Variants in SMYD3 observed in about 807,000 individuals in gnomAD.
SMYD3 encodes histone-lysine N-methyltransferase SMYD3.
A neutral mutation model predicts 57.7 loss-of-function variants in SMYD3; 36 were observed. The observed-to-expected ratio is 0.62, with a 90% CI of 0.48 to 0.82. The LOEUF (loss-of-function observed/expected upper bound fraction) is 0.82, where lower values mean the gene tolerates loss of function less well. Ranked by LOEUF, SMYD3 falls within the 40% of genes least tolerant of loss-of-function variation. SMYD3 has a pLI of 0.00. For missense variants in SMYD3, 515 were observed against 538.8 expected (o/e 0.96, Z 0.44); for synonymous variants, 211 against 195.0 (o/e 1.08, Z -0.68).
At chr1:246,341,786 C>T (rs2065637033) in intron 2 of SMYD3, among the ~76,000 whole-genome samples, 1 of 152,198 alleles carries the variant, frequency 6.6e-6, no homozygotes, top group Non-Finnish European at 1.5e-5. Flanking sequence ...CACTCAAGAA[C>T]CCATTTAAAT....
chr1:245,752,325 C>T (rs2045423245), intron 11 of SMYD3, among the ~76,000 whole-genome samples: 1 of 152,226 alleles, frequency 6.6e-6, no homozygotes, highest in Non-Finnish European at 1.5e-5. Flanking sequence ...TCCCTGCCCT[C>T]ACAGAGGCCC....
At chr1:246,345,757 T>C (rs2065703968) in intron 2 of SMYD3, among the ~76,000 whole-genome samples, 2 of 152,152 alleles carry the variant, frequency 1.3e-5, no homozygotes, top group African/African-American at 4.8e-5. Flanking sequence ...ATGCCTTTGA[T>C]AGGCAAACTA....
rs199801290 is a variant in SMYD3 at position 246,167,512 on chromosome 1, C to CT, written c.531+159688dup. Among the ~76,000 whole-genome samples, 607 of 137,704 alleles carry CT rather than the reference C, an allele frequency of 4.4e-3. 2 individuals are homozygous for CT. Among genetic ancestry groups the CT allele is most frequent in the Middle Eastern group, 7.4e-3 (2 of 272 alleles). The allele number at this position is 137,704 out of a possible 152,430, so 90.3% of individuals were successfully genotyped here. A position where few individuals can be genotyped will look rare whatever the true frequency, so the allele number is the denominator to read the frequency against. ...TGGCACCTCATTACGGTTTTTTTTT[C>CT]TTTTTTTTTTTTTTTGAAGACGGAG... On this transcript the variant is annotated intron_variant, in intron 5 of 11. Coordinates refer to ENST00000490107, the MANE Select transcript of SMYD3 (RefSeq NM_001167740.2).
intron 5 of SMYD3, among the ~76,000 whole-genome samples, chr1:246,166,718 T>C (rs879864069): frequency 1.8e-4 from 27 of 152,210 alleles, no homozygotes; most frequent in Non-Finnish European, 2.6e-4. Flanking sequence ...ATGTGCTCCA[T>C]AAAAGCTGCA....
chr1:246,218,987 T>C (rs1206483609), intron 5 of SMYD3, among the ~76,000 whole-genome samples: 3 of 149,576 alleles, frequency 2.0e-5, no homozygotes, highest in Non-Finnish European at 4.5e-5. Flanking sequence ...AGAGCACCAA[T>C]AGCTTTATCT....
chr1:246,380,583 T>C (rs574740310), intron 1 of SMYD3, among the ~76,000 whole-genome samples: 8 of 152,362 alleles, frequency 5.3e-5, no homozygotes, highest in Middle Eastern at 3.4e-3. Flanking sequence ...ACTGGTCCCA[T>C]AAATACACTA....
At chr1:245,939,038 C>G (rs1231034819) in intron 5 of SMYD3, among the ~76,000 whole-genome samples, 1 of 151,766 alleles carries the variant, frequency 6.6e-6, no homozygotes, top group Non-Finnish European at 1.5e-5. Context: ...CCCAGCTACT[C>G]GGGAGGGTGA....
intron 5 of SMYD3, chr1:246,326,458 G>T: frequency 1.6e-6 from 1 of 636,752 alleles, no homozygotes; most frequent in South Asian, 1.8e-5. Context: ...ATAAACCCTC[G>T]GAATCATTTA....
intron 1 of SMYD3, among the ~76,000 whole-genome samples, chr1:246,479,940 A>T (rs1572041583): frequency 6.6e-6 from 1 of 152,278 alleles, no homozygotes; most frequent in Non-Finnish European, 1.5e-5. Context: ...GTAAAGTCTC[A>T]CATTAAATAT....
chr1:246,422,703 T>G (rs542257740), intron 1 of SMYD3, among the ~76,000 whole-genome samples: 2 of 152,330 alleles, frequency 1.3e-5, no homozygotes, highest in South Asian at 4.1e-4. Context: ...ATTACAGGCG[T>G]GAGCCACTGC....
In SMYD3 at chr1:246,472,533, A is replaced by T. The variant is rs373826591; in HGVS notation, c.164+34521T>A. ...CAAGACGGGCAGATCAGTTGGGCAC[A>T]GGAGTTTGAGACCAGCCTAGGCAAC... On this transcript the variant is annotated intron_variant, in intron 1 of 11. Transcript: ENST00000490107. Among the ~76,000 whole-genome samples, 4 of 152,162 alleles carry T rather than the reference A, an allele frequency of 2.6e-5. 1 individual carries two copies. Among genetic ancestry groups the T allele is most frequent in the African/African-American group, 9.6e-5 (4 of 41,464 alleles).
At chr1:245,779,046 G>A (rs1401882896) in intron 10 of SMYD3, among the ~76,000 whole-genome samples, 1 of 151,784 alleles carries the variant, frequency 6.6e-6, no homozygotes, top group African/African-American at 2.4e-5. Context: ...TGTAGTCCCA[G>A]CTAATTGAGA....
At chr1:245,973,777 C>T (rs753884961) in intron 5 of SMYD3, among the ~76,000 whole-genome samples, 15 of 152,262 alleles carry the variant, frequency 9.9e-5, no homozygotes, top group South Asian at 2.1e-4. Flanking sequence ...TTGATCGGCA[C>T]GAGGAAATCT....
At chr1:245,993,576 AAAAAGATAGATAGATAGATAGAT>A (rs1416637857) in intron 5 of SMYD3, among the ~76,000 whole-genome samples, 1 of 120,352 alleles carries the variant, frequency 8.3e-6, no homozygotes. Flanking sequence ...CTCAAAAAAA[AAAAAGATAGATAGATAGATAGAT>A]AGATAGATAG....
chr1:245,789,329 C>T (rs74156633), intron 10 of SMYD3, among the ~76,000 whole-genome samples: 7,840 of 152,216 alleles, frequency 0.052, 654 homozygotes, highest in African/African-American at 0.18. Flanking sequence ...CCTTTCTAAC[C>T]AAGCTAGCAG....
chr1:246,060,948 C>T (rs532492105), intron 5 of SMYD3, among the ~76,000 whole-genome samples: 11 of 152,196 alleles, frequency 7.2e-5, no homozygotes, highest in Non-Finnish European at 1.3e-4. Context: ...ATGTTTTAGG[C>T]CAGGCATGGT....
chr1:246,040,376 G>A (rs1036245991), intron 5 of SMYD3, among the ~76,000 whole-genome samples: 1 of 151,996 alleles, frequency 6.6e-6, no homozygotes, highest in Non-Finnish European at 1.5e-5. Flanking sequence ...AAACGCAAGT[G>A]CTGCCGCTTA....
chr1:245,825,535 G>C (rs2049436754), intron 10 of SMYD3, among the ~76,000 whole-genome samples: 2 of 152,140 alleles, frequency 1.3e-5, no homozygotes. Flanking sequence ...AGGCTGGAAG[G>C]GGCTCACTAG....
chr1:245,868,914 A>G (rs1216837999), intron 8 of SMYD3, among the ~76,000 whole-genome samples: 1 of 152,236 alleles, frequency 6.6e-6, no homozygotes, highest in Non-Finnish European at 1.5e-5. Context: ...CAGAAACAGA[A>G]AAACTACTTA....
Sources: gnomAD v4.1 joint callset for allele counts (sites outside exome capture counted in the v4.1 genomes callset) on GRCh38, gnomAD v4.1.1 for gene constraint, MANE v1.5 for transcripts, NCBI Gene and HGNC (gene_info 2026-07-23, HGNC 2026-07-21) for gene names.